SHQ1: variants seen among roughly 807,000 people sequenced by gnomAD.
SHQ1 encodes SHQ1, H/ACA ribonucleoprotein assembly factor, also known as protein SHQ1 homolog.
Under a neutral mutation model 53.8 loss-of-function variants are expected in SHQ1, and 49 were observed. The observed-to-expected ratio is 0.91, with a 90% CI of 0.72 to 1.16. The LOEUF (loss-of-function observed/expected upper bound fraction) is 1.16, where lower values mean the gene tolerates loss of function less well. SHQ1 is among the 50% of genes most tolerant of loss of function. The probability of loss-of-function intolerance (pLI) is 0.00; values close to 1 mark genes in which losing one functional copy is unlikely to be tolerated. For missense variants in SHQ1, 738 were observed against 683.1 expected, an observed-to-expected ratio of 1.08 and a Z score of -0.90; for synonymous variants, 243 against 251.0, an observed-to-expected ratio of 0.97 and a Z score of 0.30.
rs1277072686 is a variant in SHQ1 at position 72,815,367 on chromosome 3, T to C, written c.919A>G (p.Thr307Ala). The C allele has an allele frequency of 2.5e-6, 4 of 1,613,408 alleles. No individual in the cohort carries two copies. The African/African-American group carries it at 5.3e-5, about 22-fold the overall frequency. Reference sequence around the variant, plus strand: ...AATCATACCTCAAACCAGCATAGTGTTGGACTCAGTTTCCTGATATTCCAT... The same window carrying C: ...AATCATACCTCAAACCAGCATAGTGCTGGACTCAGTTTCCTGATATTCCAT... Reference protein sequence around the residue: ...SAWNIRKLSPTLCWFETWTNV... With the variant: ...SAWNIRKLSPALCWFETWTNV... The change falls in exon 8 of 11, where the codon ACA becomes GCA. Residue 307 changes from threonine (T) to alanine (A), a missense_variant. By Grantham distance (58) the Thr-to-Ala change is moderately conservative. Transcript: ENST00000325599.
intron 6 of SHQ1, among the ~76,000 whole-genome samples, chr3:72,818,658 T>C (rs1323367168): frequency 6.6e-6 from 1 of 152,226 alleles, no homozygotes; most frequent in African/African-American, 2.4e-5. Context: ...GGGATGGAGC[T>C]TGTGACCTGC....
intron 9 of SHQ1, among the ~76,000 whole-genome samples, chr3:72,807,838 C>T (rs1707000105): frequency 1.3e-5 from 2 of 152,100 alleles, no homozygotes; most frequent in South Asian, 4.1e-4. Context: ...GCAGTAATTT[C>T]TGAAAATTTG....
Position 72,815,365 on chromosome 3 carries a change from T to A in SHQ1, c.921A>T (p.Thr307=). 1.2e-6 allele frequency: 2 copies of A among 1,613,504 alleles called. No individual in the cohort carries two copies. The highest frequency in any genetic ancestry group is 1.7e-6 in the Non-Finnish European group (2 of 1,179,726). The change falls in exon 8 of 11, where the codon ACA becomes ACT. Residue 307 remains threonine, a synonymous_variant. Coordinates refer to ENST00000325599, the MANE Select transcript of SHQ1 (RefSeq NM_018130.3). ...GAAATCATACCTCAAACCAGCATAGTGTTGGACTCAGTTTCCTGATATTCC... is the reference window on the plus strand; with the variant it reads ...GAAATCATACCTCAAACCAGCATAGAGTTGGACTCAGTTTCCTGATATTCC... ...SAWNIRKLSP[T]LCWFETWTNV...
At chr3:72,738,291 GGC>G in the SHQ1 span, among the ~76,000 whole-genome samples, 1 of 152,084 alleles carries the variant, frequency 6.6e-6, no homozygotes, top group African/African-American at 2.4e-5. Flanking sequence ...CTGAAAACGA[GGC>G]AAGGTAGAAG....
intron 7 of SHQ1, 40 bp from the exon 8 acceptor site, chr3:72,815,443 G>A: frequency 3.3e-6 from 5 of 1,520,910 alleles, no homozygotes; most frequent in Non-Finnish European, 4.6e-6. Context: ...TCACATTAGA[G>A]GTGAAGTCAT....
At chr3:72,748,962 C>T (rs372771987), downstream of SHQ1, among the ~76,000 whole-genome samples, 2 of 128,270 alleles carry the variant, frequency 1.6e-5, no homozygotes, top group African/African-American at 7.5e-5. Flanking sequence ...CTCAAACACA[C>T]ACGCACACGC....
intron 10 of SHQ1, among the ~76,000 whole-genome samples, chr3:72,785,192 C>G (rs1706190247): frequency 6.6e-6 from 1 of 152,214 alleles, no homozygotes; most frequent in South Asian, 2.1e-4. Context: ...AGACCATATG[C>G]AAGAGCAAGC....
chr3:72,776,318 T>G (rs113520268), intron 10 of SHQ1, among the ~76,000 whole-genome samples: 1 of 152,222 alleles, frequency 6.6e-6, no homozygotes, highest in African/African-American at 2.4e-5. Flanking sequence ...TTTCCATATT[T>G]AGATATGTTG....
the SHQ1 span, among the ~76,000 whole-genome samples, chr3:72,738,033 C>G: frequency 6.6e-6 from 1 of 152,194 alleles, no homozygotes; most frequent in East Asian, 1.9e-4. Flanking sequence ...CTCCCGTGTT[C>G]AGCCACCCTG....
At chr3:72,829,058 A>C (rs1241307648) in intron 5 of SHQ1, among the ~76,000 whole-genome samples, 3 of 152,000 alleles carry the variant, frequency 2.0e-5, no homozygotes, top group Admixed American at 2.0e-4. Context: ...AAAAAAAAAA[A>C]TACTACAGAG....
chr3:72,772,080 A>G (rs1705865227), intron 10 of SHQ1, among the ~76,000 whole-genome samples: 1 of 152,226 alleles, frequency 6.6e-6, no homozygotes, highest in Non-Finnish European at 1.5e-5. Context: ...GACTGGCTGC[A>G]TTACAGATAG....
intron 4 of SHQ1, among the ~76,000 whole-genome samples, chr3:72,834,828 A>G (rs2106934632): frequency 6.6e-6 from 1 of 152,278 alleles, no homozygotes; most frequent in East Asian, 1.9e-4. Context: ...TCTTACTGTC[A>G]AGTCCAGTAA....
In SHQ1 at chr3:72,750,825, A is replaced by G. The variant is rs1705350556; in HGVS notation, c.1193T>C (p.Leu398Ser). Residue 398 changes from leucine to serine, a missense_variant, in exon 11 of 11, where the codon TTG becomes TCG. By Grantham distance (145) the Leu-to-Ser change is moderately radical (BLOSUM62 -2). Coordinates refer to ENST00000325599, the MANE Select transcript of SHQ1 (RefSeq NM_018130.3). The stretch of plus-strand genomic sequence containing the variant: ...CTTTAAGGCTTCTGCAAGAGCTGCC[A>G]ACTTTTTGGATCTTGAAAACATTTT... ...VWIQKVKSKK[L>S]AALAEALKEV... 6.6e-7 allele frequency: 1 copy of G among 1,508,100 alleles called. No homozygotes were observed. Among genetic ancestry groups the G allele is most frequent in the East Asian group, 2.5e-5 (1 of 40,436 alleles). The allele number at this position is 1,508,100 out of a possible 1,614,324, so 93.4% of individuals were successfully genotyped here.
chr3:72,797,505 C>G (rs1192574549), intron 9 of SHQ1, among the ~76,000 whole-genome samples: 2 of 151,828 alleles, frequency 1.3e-5, no homozygotes, highest in African/African-American at 4.8e-5. Context: ...CACAGCCAAA[C>G]CCTGAAAAAT....
chr3:72,830,013 C>A (rs1168970777), intron 5 of SHQ1, among the ~76,000 whole-genome samples: 2 of 150,900 alleles, frequency 1.3e-5, no homozygotes, highest in Admixed American at 6.6e-5. Context: ...AAAATAATAC[C>A]CCAAAGGAAT....
At chr3:72,840,761 G>C (rs1708156409) in intron 4 of SHQ1, among the ~76,000 whole-genome samples, 1 of 152,026 alleles carries the variant, frequency 6.6e-6, no homozygotes, top group Non-Finnish European at 1.5e-5. Context: ...AAGTATGAGA[G>C]AGGAGTTCTG....
At chr3:72,824,684 C>T (rs1707592391) in intron 5 of SHQ1, 133 bp from the exon 6 acceptor site, 1 of 1,062,910 alleles carries the variant, frequency 9.4e-7, no homozygotes, top group Non-Finnish European at 1.3e-6. Flanking sequence ...AAAGACTGAA[C>T]ACTATATTTA....
At chr3:72,753,853 T>C (rs903145509) in intron 10 of SHQ1, among the ~76,000 whole-genome samples, 2 of 152,156 alleles carry the variant, frequency 1.3e-5, no homozygotes, top group African/African-American at 4.8e-5. Context: ...CCACCATATA[T>C]TTTGAAACCT....
At chr3:72,809,566 T>G (rs1707056668) in intron 9 of SHQ1, 1 of 152,156 alleles carries the variant, frequency 6.6e-6, no homozygotes, top group Non-Finnish European at 1.5e-5. Context: ...AGGAATACCT[T>G]CTATACATTA....
Sources: allele counts gnomAD v4.1 joint callset (sites outside exome capture counted in the v4.1 genomes callset), GRCh38; gene constraint gnomAD v4.1.1; transcripts MANE v1.5; gene names NCBI Gene and HGNC (gene_info 2026-07-23, HGNC 2026-07-21).